The following POFUT2 variants were observed in gnomAD, a reference collection of about 807,000 sequenced individuals.
POFUT2 encodes protein O-fucosyltransferase 2, also known as GDP-fucose protein O-fucosyltransferase 2.
Under a neutral mutation model 55.0 loss-of-function variants are expected in POFUT2, and 30 were observed. The ratio of observed to expected loss-of-function variants is 0.55; its 90% CI spans 0.41 to 0.74. The LOEUF (loss-of-function observed/expected upper bound fraction) is 0.74, where lower values mean the gene tolerates loss of function less well. Among genes scored for constraint, POFUT2 ranks in the 30% least tolerant of loss-of-function variants. The pLI is 0.00. For missense variants in POFUT2, 524 were observed against 562.6 expected, an observed-to-expected ratio of 0.93 and a Z score of 0.69; for synonymous variants, 267 against 231.1, an observed-to-expected ratio of 1.16 and a Z score of -1.41.
rs1009374424 is a variant in POFUT2 at position 45,282,771 on chromosome 21, G to C, written c.528-312C>G. 4.4e-5 allele frequency: 23 copies of C among 520,930 alleles called. No homozygotes were observed. Among genetic ancestry groups the C allele is most frequent in the Non-Finnish European group, 6.9e-5 (18 of 261,996 alleles). The allele number at this position is 520,930 out of a possible 1,614,324, so 32.3% of individuals were successfully genotyped here. A position where few individuals can be genotyped will look rare whatever the true frequency, so the allele number is the denominator to read the frequency against. On this transcript the variant is annotated intron_variant, in intron 3 of 8. Transcript: ENST00000349485. This position sits in a 1 kb window ranked among gnomAD's most constrained non-coding sequence, Gnocchi z 4.6. The stretch of plus-strand genomic sequence containing the variant: ...AGGGCCAGCCTGGCTGTGACCGTCA[G>C]CCAAGTCAACCGCGCCCTTCCCAAG...
chr21:45,278,074 G>A (rs1405122852), intron 5 of POFUT2, 29 bp downstream of exon 5: 1 of 1,580,902 alleles, frequency 6.3e-7, no homozygotes. Context: ...TACACTAACT[G>A]AGAAAAACGC....
Position 45,282,415 on chromosome 21 carries a change from G to C in POFUT2, c.572C>G (p.Ser191Cys). 1 of 1,613,500 alleles carries C rather than the reference G, an allele frequency of 6.2e-7. No homozygotes were observed. The highest frequency in any genetic ancestry group is 8.5e-7 in the Non-Finnish European group (1 of 1,179,734). ...GYEETRGLNV[S>C]CLSVQGSASI... ...GGCTGAGCCCTGGACGGACAGACAG[G>C]AGACGTTTAGACCCCTGGTCTCCTC... Residue 191 changes from serine (S) to cysteine (C), a missense_variant, in exon 4 of 9, where the codon TCC becomes TGC. Around this residue, in one of 2 missense-constraint regions of POFUT2, gnomAD observed 250 missense variants for 318.2 expected, o/e 0.79. Coordinates refer to ENST00000349485, the MANE Select transcript of POFUT2 (RefSeq NM_133635.6). This position sits in a 1 kb window ranked among gnomAD's most constrained non-coding sequence, Gnocchi z 4.6.
Position 45,264,914 on chromosome 21 carries a change from A to T in POFUT2, c.*568T>A, listed in dbSNP as rs547793694. 6.6e-6 allele frequency: 1 copy of T among 152,482 alleles called. No homozygotes were observed. Among genetic ancestry groups the T allele is most frequent in the Non-Finnish European group, 1.5e-5 (1 of 68,120 alleles). 9.4% of individuals were successfully genotyped at this position (152,482 alleles called of 1,614,324 possible). A position where few individuals can be genotyped will look rare whatever the true frequency, so the allele number is the denominator to read the frequency against. Reference sequence around the variant, plus strand: ...TGAGGCCTCAGGCCCTTTCCTTTGCAGCACCAGGTCTGCCTTGCACGCATC... The same window carrying T: ...TGAGGCCTCAGGCCCTTTCCTTTGCTGCACCAGGTCTGCCTTGCACGCATC... On this transcript the variant is annotated 3_prime_UTR_variant, in exon 9 of 9. Transcript: ENST00000349485.
rs565982663 is a variant in POFUT2, at chr21:45,267,541, T to C, written c.1136+49A>G. On this transcript the variant is annotated intron_variant, in intron 8 of 8. Coordinates refer to ENST00000349485, the MANE Select transcript of POFUT2 (RefSeq NM_133635.6). This position sits in a 1 kb window ranked among gnomAD's most constrained non-coding sequence, Gnocchi z 4.4. ...CCGAGTACTTGGGACAGAAGAACCT[T>C]TGAAAGCCACCCGACCCGCTCTCGG... is the stretch of plus-strand genomic sequence containing the variant. 6 of 1,614,006 alleles carry C rather than the reference T, an allele frequency of 3.7e-6. No individual in the cohort carries two copies. In the East Asian group the frequency reaches 1.1e-4, roughly 30 times the overall value.
chr21:45,265,904 C>T lies in POFUT2; in HGVS notation c.1137-269G>A. The T allele has an allele frequency of 7.6e-7, 1 of 1,318,826 alleles. No homozygotes were observed. Among genetic ancestry groups the T allele is most frequent in the Non-Finnish European group, 9.8e-7 (1 of 1,024,884 alleles). 81.7% of individuals were successfully genotyped at this position (1,318,826 alleles called of 1,614,324 possible). ...GTCAGCAGCCGCCACGCTCCTGTCCCACCGCATGTCCCCCTGGGAGCCCTC... is the reference window on the plus strand; with the variant it reads ...GTCAGCAGCCGCCACGCTCCTGTCCTACCGCATGTCCCCCTGGGAGCCCTC... On this transcript the variant is annotated intron_variant, in intron 8 of 8. Coordinates refer to ENST00000349485, the MANE Select transcript of POFUT2 (RefSeq NM_133635.6). This position sits in a 1 kb window ranked among gnomAD's most constrained non-coding sequence, Gnocchi z 4.6.
rs148250784 is a variant in POFUT2 at position 45,285,700 on chromosome 21, G to C, written c.360C>G (p.Ile120Met). 6.2e-7 allele frequency: 1 copy of C among 1,613,762 alleles called. No homozygotes were observed. The highest frequency in any genetic ancestry group is 2.2e-5 in the East Asian group (1 of 44,892). ...CACCTGCGATGAACTGCTCATACTCGATGACGGGGATGTTTTTATTGAGAC... is the reference window on the plus strand; with the variant it reads ...CACCTGCGATGAACTGCTCATACTCCATGACGGGGATGTTTTTATTGAGAC... ...LPSLNKNIPV[I>M]EYEQFIAESG... is the part of the protein sequence containing the mutation. Residue 120 changes from isoleucine to methionine, a missense_variant, in exon 2 of 9, where the codon ATC becomes ATG. Transcript: ENST00000349485. The surrounding 1 kb of genome is among the most constrained non-coding windows in gnomAD (Gnocchi z 4.9).
At chr21:45,287,675 C>CCCAACCAAACA in intron 1 of POFUT2, 66 bp downstream of exon 1, 2 of 1,181,396 alleles carry the variant, frequency 1.7e-6, no homozygotes, top group Non-Finnish European at 2.2e-6. Context: ...CGCCCCGCCC[C>CCCAACCAAACA]CATCCCATCC....
At position 45,282,787 on chromosome 21, in the gene POFUT2, C is replaced by T. The variant is rs1368439954; in HGVS notation, c.528-328G>A. The T allele has an allele frequency of 2.0e-6, 1 of 506,326 alleles. No individual in the cohort carries two copies. The highest frequency in any genetic ancestry group is 2.3e-5 in the Admixed American group (1 of 43,576). 31.4% of individuals were successfully genotyped at this position (506,326 alleles called of 1,614,324 possible). On this transcript the variant is annotated intron_variant, in intron 3 of 8. Coordinates refer to ENST00000349485, the MANE Select transcript of POFUT2 (RefSeq NM_133635.6). The surrounding 1 kb of genome is among the most constrained non-coding windows in gnomAD (Gnocchi z 4.6). Reference sequence around the variant, plus strand: ...TGACCGTCAGCCAAGTCAACCGCGCCCTTCCCAAGAGCTCACCTGCCATGC... The same window carrying T: ...TGACCGTCAGCCAAGTCAACCGCGCTCTTCCCAAGAGCTCACCTGCCATGC...
rs2031143870 is a variant in POFUT2 at position 45,284,384 on chromosome 21, A to G, written c.383-857T>C. 6.6e-6 allele frequency among the ~76,000 whole-genome samples: 1 copy of G among 152,152 alleles called. No homozygotes were observed. The highest frequency in any genetic ancestry group is 2.1e-4 in the South Asian group (1 of 4,838). ...TTTAGGCTAGTGGGAGGTGGTGAAGATCCTGCACGCTGGGCGCTATGTCAG... is the reference window on the plus strand; with the variant it reads ...TTTAGGCTAGTGGGAGGTGGTGAAGGTCCTGCACGCTGGGCGCTATGTCAG... On this transcript the variant is annotated intron_variant, in intron 2 of 8. Transcript: ENST00000349485. The surrounding 1 kb of genome is among the most constrained non-coding windows in gnomAD (Gnocchi z 5.8).
At position 45,265,917 on chromosome 21, in the gene POFUT2, C is replaced by G. The variant is rs1485137867; in HGVS notation, c.1137-282G>C. 2 of 1,295,606 alleles carry G rather than the reference C, an allele frequency of 1.5e-6. No homozygotes were observed. Among genetic ancestry groups the G allele is most frequent in the African/African-American group, 1.5e-5 (1 of 66,298 alleles). The allele number at this position is 1,295,606 out of a possible 1,614,324, so 80.3% of individuals were successfully genotyped here. A position where few individuals can be genotyped will look rare whatever the true frequency, so the allele number is the denominator to read the frequency against. On this transcript the variant is annotated intron_variant, in intron 8 of 8. Coordinates refer to ENST00000349485, the MANE Select transcript of POFUT2 (RefSeq NM_133635.6). This position sits in a 1 kb window ranked among gnomAD's most constrained non-coding sequence, Gnocchi z 4.6. The stretch of plus-strand genomic sequence containing the variant: ...ACGCTCCTGTCCCACCGCATGTCCC[C>G]CTGGGAGCCCTCCTCTCCGTCACCA...
chr21:45,283,611 T>C (rs1844816852), intron 2 of POFUT2, 84 bp from the exon 3 acceptor site: 23 of 1,396,542 alleles, frequency 1.6e-5, no homozygotes, highest in Non-Finnish European at 2.2e-5. Flanking sequence ...AGCAGCTGAC[T>C]CTTACTACTG....
In POFUT2 at chr21:45,265,373, G is replaced by A; in HGVS notation, c.*109C>T. 6 of 1,006,134 alleles carry A rather than the reference G, an allele frequency of 6.0e-6. No individual in the cohort carries two copies. The highest frequency in any genetic ancestry group is 2.5e-5 in the East Asian group (1 of 40,482). The allele number at this position is 1,006,134 out of a possible 1,614,324, so 62.3% of individuals were successfully genotyped here. Reference sequence around the variant, plus strand: ...CTGGGCCTGGGACCCTGCGAGGGACGGTCCTGTCCGCCCAGCTCCCGGCTG... The same window carrying A: ...CTGGGCCTGGGACCCTGCGAGGGACAGTCCTGTCCGCCCAGCTCCCGGCTG... On this transcript the variant is annotated 3_prime_UTR_variant, in exon 9 of 9. Coordinates refer to ENST00000349485, the MANE Select transcript of POFUT2 (RefSeq NM_133635.6). This position sits in a 1 kb window ranked among gnomAD's most constrained non-coding sequence, Gnocchi z 4.6.
Position 45,283,314 on chromosome 21 carries a change from G to C in POFUT2, c.527+69C>G, listed in dbSNP as rs529558542. On this transcript the variant is annotated intron_variant, in intron 3 of 8. Transcript: ENST00000349485. ...GGGCGGGGGGCGCCTGAGGCGGGGGGGGGGGGACGCATGCGGCAGGGGGAG... is the reference window on the plus strand; with the variant it reads ...GGGCGGGGGGCGCCTGAGGCGGGGGCGGGGGGACGCATGCGGCAGGGGGAG... The C allele has an allele frequency of 1.9e-4, 151 of 802,538 alleles. 21 individuals are homozygous for C. In the South Asian group the frequency reaches 2.5e-3, roughly 14 times the overall value. The allele number at this position is 802,538 out of a possible 1,614,324, so 49.7% of individuals were successfully genotyped here. A position where few individuals can be genotyped will look rare whatever the true frequency, so the allele number is the denominator to read the frequency against.
Position 45,266,128 on chromosome 21 carries a change from A to C in POFUT2, c.1137-493T>G, listed in dbSNP as rs2093151650. On this transcript the variant is annotated intron_variant, in intron 8 of 8. Transcript: ENST00000349485. Reference sequence around the variant, plus strand: ...ACACGCTGTATGGGCTGGTGGGGACACCCTTCTCCAGGGGTTTCTCCAGAC... The same window carrying C: ...ACACGCTGTATGGGCTGGTGGGGACCCCCTTCTCCAGGGGTTTCTCCAGAC... 7 of 1,362,406 alleles carry C rather than the reference A, an allele frequency of 5.1e-6. No individual in the cohort carries two copies. In the Admixed American group the frequency reaches 1.3e-4, roughly 26 times the overall value. The allele number at this position is 1,362,406 out of a possible 1,614,324, so 84.4% of individuals were successfully genotyped here. A position where few individuals can be genotyped will look rare whatever the true frequency, so the allele number is the denominator to read the frequency against.
chr21:45,273,807 A>G (rs1428176007), intron 6 of POFUT2, among the ~76,000 whole-genome samples: 1 of 152,222 alleles, frequency 6.6e-6, no homozygotes, highest in African/African-American at 2.4e-5. Context: ...CATAGAAGGG[A>G]CATACCTCAA....
chr21:45,280,745 C>T (rs2030533589), intron 4 of POFUT2, among the ~76,000 whole-genome samples: 1 of 151,252 alleles, frequency 6.6e-6, no homozygotes, highest in Admixed American at 6.6e-5. Flanking sequence ...CCCCAGGCTG[C>T]CTGTCCCTCA....
Position 45,265,393 on chromosome 21 carries a change from C to A in POFUT2, c.*89G>T. 1 of 1,251,474 alleles carries A rather than the reference C, an allele frequency of 8.0e-7. No homozygotes were observed. Among genetic ancestry groups the A allele is most frequent in the Non-Finnish European group, 1.1e-6 (1 of 891,242 alleles). 77.5% of individuals were successfully genotyped at this position (1,251,474 alleles called of 1,614,324 possible). A position where few individuals can be genotyped will look rare whatever the true frequency, so the allele number is the denominator to read the frequency against. On this transcript the variant is annotated 3_prime_UTR_variant, in exon 9 of 9. Coordinates refer to ENST00000349485, the MANE Select transcript of POFUT2 (RefSeq NM_133635.6). The surrounding 1 kb of genome is among the most constrained non-coding windows in gnomAD (Gnocchi z 4.6). ...GGGACGGTCCTGTCCGCCCAGCTCC[C>A]GGCTGGCAGTAGACGGTGACTCCAC...
Position 45,277,211 on chromosome 21 carries a change from T to C in POFUT2, c.706-69A>G, listed in dbSNP as rs1397050560. On this transcript the variant is annotated intron_variant, in intron 5 of 8. Coordinates refer to ENST00000349485, the MANE Select transcript of POFUT2 (RefSeq NM_133635.6). The surrounding 1 kb of genome is among the most constrained non-coding windows in gnomAD (Gnocchi z 6.9). Reference sequence around the variant, plus strand: ...CACGCAGCCCTCCCGGAGCGGGTTCTCCTGTCGCTGCCACCACCCACCCCC... The same window carrying C: ...CACGCAGCCCTCCCGGAGCGGGTTCCCCTGTCGCTGCCACCACCCACCCCC... 6.4e-7 allele frequency: 1 copy of C among 1,569,424 alleles called. No individual in the cohort carries two copies. Among genetic ancestry groups the C allele is most frequent in the Non-Finnish European group, 8.6e-7 (1 of 1,160,294 alleles).
In POFUT2 at chr21:45,277,305, G is replaced by A; in HGVS notation, c.706-163C>T. 2.2e-6 allele frequency: 2 copies of A among 897,058 alleles called. No individual in the cohort carries two copies. The highest frequency in any genetic ancestry group is 3.3e-6 in the Non-Finnish European group (2 of 611,588). 55.6% of individuals were successfully genotyped at this position (897,058 alleles called of 1,614,324 possible). On this transcript the variant is annotated intron_variant, in intron 5 of 8. Transcript: ENST00000349485. The surrounding 1 kb of genome is among the most constrained non-coding windows in gnomAD (Gnocchi z 6.9). ...GAGAAGCAGCGCCATCCACGGTGGA[G>A]GCTCTTGGAGGGTCTCCTGCATGAA...
Sources: gnomAD v4.1 joint callset for allele counts (sites outside exome capture counted in the v4.1 genomes callset) on GRCh38, gnomAD v4.1.1 for gene constraint, gnomAD v4.1.1 regional missense constraint, Gnocchi (gnomAD v3.1) non-coding constraint, MANE v1.5 for transcripts, NCBI Gene and HGNC (gene_info 2026-07-23, HGNC 2026-07-21) for gene names.